Variants in VAV3 observed in about 807,000 individuals in gnomAD.
VAV3 encodes the protein vav guanine nucleotide exchange factor 3.
VAV3 carries 94 observed loss-of-function variants against 131.2 expected under a neutral mutation model. The ratio of observed to expected loss-of-function variants is 0.72; its 90% CI spans 0.61 to 0.85. The LOEUF is 0.85. Ranked by LOEUF, VAV3 falls within the 40% of genes least tolerant of loss-of-function variation. The pLI is 0.00. For missense variants in VAV3, 939 were observed against 1,002.7 expected (o/e 0.94, Z 0.86); for synonymous variants, 349 against 342.0 (o/e 1.02, Z -0.22).
At position 107,573,273 on chromosome 1, in the gene VAV3, G is replaced by A; in HGVS notation, c.*58C>T. 4 of 1,588,586 alleles carry A rather than the reference G, an allele frequency of 2.5e-6. No homozygotes were observed. The South Asian group carries it at 4.5e-5, about 18-fold the overall frequency. On this transcript the variant is annotated 3_prime_UTR_variant, in exon 27 of 27. Coordinates refer to ENST00000370056, the MANE Select transcript of VAV3 (RefSeq NM_006113.5). The stretch of plus-strand genomic sequence containing the variant: ...TCAGTTAATTCACGATGCTGTGCAG[G>A]CTTCTATTTATCCCTTCTCTGAAAT...
chr1:107,841,235 C>T (rs1357582361), intron 2 of VAV3, among the ~76,000 whole-genome samples: 3 of 151,914 alleles, frequency 2.0e-5, no homozygotes, highest in Admixed American at 2.0e-4. Flanking sequence ...GCAGTGAATA[C>T]AGCACAAAGT....
chr1:107,896,575 C>T (rs1263746144), intron 1 of VAV3, among the ~76,000 whole-genome samples: 1 of 152,102 alleles, frequency 6.6e-6, no homozygotes, highest in African/African-American at 2.4e-5. Context: ...CCTTTAGTTC[C>T]TCAAACACAA....
intron 2 of VAV3, among the ~76,000 whole-genome samples, chr1:107,851,226 G>A (rs1669212006): frequency 6.6e-6 from 1 of 150,766 alleles, no homozygotes; most frequent in Admixed American, 6.6e-5. Flanking sequence ...AGAGGAAGGG[G>A]ACTCATGAGA....
At chr1:107,828,820 TATTC>T (rs1668122093) in intron 2 of VAV3, among the ~76,000 whole-genome samples, 1 of 152,206 alleles carries the variant, frequency 6.6e-6, no homozygotes, top group African/African-American at 2.4e-5. Context: ...TAAGGTAACA[TATTC>T]ATCAGTTTCA....
intron 1 of VAV3, among the ~76,000 whole-genome samples, chr1:107,937,204 T>C (rs1571164182): frequency 6.6e-6 from 1 of 152,042 alleles, no homozygotes; most frequent in Non-Finnish European, 1.5e-5. Context: ...CAAGAAATAA[T>C]GTGTGATTAT....
intron 26 of VAV3, 131 bp from the exon 27 acceptor site, chr1:107,573,503 A>T: frequency 9.6e-7 from 1 of 1,046,640 alleles, no homozygotes; most frequent in Non-Finnish European, 1.4e-6. Context: ...GTAGGTGAGA[A>T]GATTGGTTTA....
intron 19 of VAV3, among the ~76,000 whole-genome samples, chr1:107,645,794 C>T (rs1214106430): frequency 6.6e-6 from 1 of 152,050 alleles, no homozygotes; most frequent in Non-Finnish European, 1.5e-5. Flanking sequence ...ATATTTCGAA[C>T]AGTCATTTAG....
intron 10 of VAV3, among the ~76,000 whole-genome samples, chr1:107,758,854 C>T (rs1434735827): frequency 3.3e-5 from 5 of 152,126 alleles, no homozygotes; most frequent in Non-Finnish European, 7.3e-5. Context: ...AAATTAATTG[C>T]AATTCTTAAA....
intron 2 of VAV3, among the ~76,000 whole-genome samples, chr1:107,792,511 G>C (rs886740480): frequency 6.6e-6 from 1 of 152,080 alleles, no homozygotes; most frequent in Admixed American, 6.6e-5. Flanking sequence ...AATTTCAACA[G>C]GTAATAAAGC....
rs1024853356 is a variant in VAV3, at chr1:107,964,671, A to G, written c.199T>C (p.Ser67Pro). 1 of 1,611,790 alleles carries G rather than the reference A, an allele frequency of 6.2e-7. No homozygotes were observed. Among genetic ancestry groups the G allele is most frequent in the African/African-American group, 1.3e-5 (1 of 74,846 alleles). The part of the protein sequence containing the change: ...LKEINLRPQM[S>P]QFLCLKNIRT... ...GCCCGTGCCGGCCTCCTCACCTGGGACATCTGCGGCCTCAGGTTGATCTCC... is the reference window on the plus strand; with the variant it reads ...GCCCGTGCCGGCCTCCTCACCTGGGGCATCTGCGGCCTCAGGTTGATCTCC... The change falls in exon 1 of 27, where the codon TCC (serine) becomes CCC (proline). Residue 67 changes from serine (S) to proline (P), a missense_variant. Transcript: ENST00000370056.
At chr1:107,756,996 G>A (rs566707304) in intron 11 of VAV3, among the ~76,000 whole-genome samples, 79 of 150,868 alleles carry the variant, frequency 5.2e-4, no homozygotes, top group Middle Eastern at 3.4e-3. Context: ...AGTTTTATGC[G>A]TTGTCTAACA....
At chr1:107,768,390 G>A (rs1429525748) in intron 7 of VAV3, 51 bp downstream of exon 7, 1 of 1,406,540 alleles carries the variant, frequency 7.1e-7, no homozygotes, top group Admixed American at 1.8e-5. Flanking sequence ...CTAAGGAAAT[G>A]AAGATTTTAT....
chr1:107,727,577 C>T (rs553876568), intron 15 of VAV3, among the ~76,000 whole-genome samples: 48 of 152,290 alleles, frequency 3.2e-4, no homozygotes, highest in African/African-American at 1.1e-3. Context: ...AAACAGTCTA[C>T]TAATGAACAT....
chr1:107,637,627 G>A lies in VAV3; in HGVS notation c.1914+4992C>T, dbSNP rs371696775. Reference sequence around the variant, plus strand: ...AGCCTGGGCAACAGAGCGAGACTCCGTCTCAAAATAAACAAACAAACAACA... The same window carrying A: ...AGCCTGGGCAACAGAGCGAGACTCCATCTCAAAATAAACAAACAAACAACA... On this transcript the variant is annotated intron_variant, in intron 20 of 26. Transcript: ENST00000370056. Among the ~76,000 whole-genome samples, 65 of 152,232 alleles carry A rather than the reference G, an allele frequency of 4.3e-4. No homozygotes were observed. In the East Asian group the frequency reaches 8.5e-3, roughly 20 times the overall value.
chr1:107,703,390 A>C (rs1242424630), intron 17 of VAV3, among the ~76,000 whole-genome samples: 1 of 152,226 alleles, frequency 6.6e-6, no homozygotes, highest in Non-Finnish European at 1.5e-5. Context: ...GACCCCCATC[A>C]GTAAATGTGC....
At chr1:107,707,630 T>C (rs181730104) in intron 15 of VAV3, among the ~76,000 whole-genome samples, 61 of 152,330 alleles carry the variant, frequency 4.0e-4, no homozygotes, top group African/African-American at 1.3e-3. Flanking sequence ...CAACGACTTA[T>C]ATGCTCAGTG....
At chr1:107,639,824 C>G (rs1267227435) in intron 20 of VAV3, among the ~76,000 whole-genome samples, 1 of 151,768 alleles carries the variant, frequency 6.6e-6, no homozygotes. Flanking sequence ...GTTCCAACTA[C>G]TCAGGAGGCT....
At chr1:107,645,078 T>A (rs1211887100) in intron 19 of VAV3, among the ~76,000 whole-genome samples, 1 of 151,994 alleles carries the variant, frequency 6.6e-6, no homozygotes, top group Admixed American at 6.6e-5. Context: ...GCTTTCTTCT[T>A]GGTTATGAGC....
At chr1:107,726,371 G>C (rs967379698) in intron 15 of VAV3, among the ~76,000 whole-genome samples, 1 of 152,154 alleles carries the variant, frequency 6.6e-6, no homozygotes, top group Non-Finnish European at 1.5e-5. Flanking sequence ...TCTGTGCTCC[G>C]GCAGAGGCGC....
Sources: allele counts gnomAD v4.1 joint callset (sites outside exome capture counted in the v4.1 genomes callset), GRCh38; gene constraint gnomAD v4.1.1; transcripts MANE v1.5; gene names NCBI Gene and HGNC (gene_info 2026-07-23, HGNC 2026-07-21).